Variants in NTM observed in about 807,000 individuals in gnomAD.
The protein encoded by NTM is neurotrimin, also known as IgLON family member 2.
Under a neutral mutation model 42.1 loss-of-function variants are expected in NTM, and 13 were observed. That is an observed-to-expected ratio of 0.31 (90% CI 0.20 to 0.49). The LOEUF is 0.49. NTM is among the 20% of genes least tolerant of loss of function. The pLI is 0.99. For synonymous variants in NTM, 187 were observed against 179.2 expected (o/e 1.04, Z -0.35); for missense variants, 373 against 452.8 (o/e 0.82, Z 1.60).
At chr11:131,737,737 CTT>C (rs556255526) in intron 1 of NTM, among the ~76,000 whole-genome samples, 42 of 152,200 alleles carry the variant, frequency 2.8e-4, no homozygotes, top group African/African-American at 1.0e-3. Flanking sequence ...GAATCCGACT[CTT>C]GATTTCTGCC....
intron 3 of NTM, among the ~76,000 whole-genome samples, chr11:132,200,480 G>A (rs776582478): frequency 1.2e-4 from 18 of 152,208 alleles, no homozygotes; most frequent in Non-Finnish European, 2.2e-4. Flanking sequence ...CTTTACTGCA[G>A]TCATGGGGTG....
intron 1 of NTM, among the ~76,000 whole-genome samples, chr11:131,815,112 G>C (rs1228281459): frequency 6.6e-6 from 1 of 152,074 alleles, no homozygotes; most frequent in Admixed American, 6.6e-5. Flanking sequence ...TCACCCTCAG[G>C]ATCAAGCTCG....
intron 1 of NTM, among the ~76,000 whole-genome samples, chr11:131,815,441 C>T (rs2092913560): frequency 6.6e-6 from 1 of 152,164 alleles, no homozygotes; most frequent in Admixed American, 6.5e-5. Context: ...AGGCACCATC[C>T]CTCCTCCCCA....
chr11:131,720,773 C>T (rs1304551151), intron 1 of NTM, among the ~76,000 whole-genome samples: 1 of 152,168 alleles, frequency 6.6e-6, no homozygotes, highest in Non-Finnish European at 1.5e-5. Context: ...CATAAGTTCT[C>T]ATTCCGTCTC....
intron 2 of NTM, among the ~76,000 whole-genome samples, chr11:132,084,926 G>C (rs545803814): frequency 6.6e-6 from 1 of 152,264 alleles, no homozygotes; most frequent in Non-Finnish European, 1.5e-5. Context: ...TAACCAGCTT[G>C]ACCATGAGCT....
chr11:131,811,107 G>A (rs921743531), intron 1 of NTM, among the ~76,000 whole-genome samples: 1 of 152,208 alleles, frequency 6.6e-6, no homozygotes, highest in Non-Finnish European at 1.5e-5. Flanking sequence ...GGAATGGGAT[G>A]TTGTTATGGC....
intron 2 of NTM, among the ~76,000 whole-genome samples, chr11:131,989,699 A>G (rs1373421313): frequency 1.4e-5 from 2 of 146,388 alleles, no homozygotes; most frequent in African/African-American, 5.1e-5. Flanking sequence ...TTATATACAC[A>G]TGCATATTTA....
chr11:131,410,845 C>T (rs907574439), intron 1 of NTM, among the ~76,000 whole-genome samples: 2 of 152,156 alleles, frequency 1.3e-5, no homozygotes, highest in African/African-American at 4.8e-5. Context: ...TGCTCGAGGG[C>T]ATCAGCAAGG....
At chr11:131,724,776 G>C (rs933958085) in intron 1 of NTM, among the ~76,000 whole-genome samples, 1 of 152,176 alleles carries the variant, frequency 6.6e-6, no homozygotes, top group Non-Finnish European at 1.5e-5. Flanking sequence ...GCTGGATCTC[G>C]GGTGAAGGAC....
chr11:132,188,080 T>C (rs1337805856), intron 3 of NTM, among the ~76,000 whole-genome samples: 1 of 152,082 alleles, frequency 6.6e-6, no homozygotes, highest in African/African-American at 2.4e-5. Context: ...GACATCCTAG[T>C]TTGTCACAAC....
intron 1 of NTM, among the ~76,000 whole-genome samples, chr11:131,372,352 T>C (rs1234703035): frequency 6.6e-6 from 1 of 152,138 alleles, no homozygotes; most frequent in East Asian, 1.9e-4. Flanking sequence ...TTCCCTGCTG[T>C]CCCCTAGGGG....
intron 1 of NTM, among the ~76,000 whole-genome samples, chr11:131,616,318 T>C (rs1345417075): frequency 6.6e-6 from 1 of 152,146 alleles, no homozygotes; most frequent in African/African-American, 2.4e-5. Flanking sequence ...GAAATGGGGC[T>C]TGGGAGTTGG....
intron 4 of NTM, among the ~76,000 whole-genome samples, chr11:132,266,265 C>T (rs889671918): frequency 1.3e-5 from 2 of 152,132 alleles, no homozygotes; most frequent in African/African-American, 4.8e-5. Context: ...CCAGCTGTGT[C>T]GCCCAGTCTC....
intron 3 of NTM, among the ~76,000 whole-genome samples, chr11:132,162,333 TTGTG>T (rs373177414): frequency 1.7e-4 from 25 of 149,914 alleles, no homozygotes; most frequent in African/African-American, 5.4e-4. Flanking sequence ...GTTGATGTGA[TTGTG>T]TGTGTGTTTG....
intron 1 of NTM, among the ~76,000 whole-genome samples, chr11:131,501,337 C>CT (rs2046804978): frequency 6.6e-6 from 1 of 152,086 alleles, no homozygotes; most frequent in Non-Finnish European, 1.5e-5. Context: ...ATGAAGGCCC[C>CT]TCTGAGGAGG....
intron 1 of NTM, among the ~76,000 whole-genome samples, chr11:131,828,860 T>C (rs1429318432): frequency 1.3e-5 from 2 of 152,166 alleles, no homozygotes; most frequent in Non-Finnish European, 2.9e-5. Flanking sequence ...TTCAGTGCAA[T>C]TGATCATAAG....
At chr11:131,692,024 C>T (rs1273171756) in intron 1 of NTM, among the ~76,000 whole-genome samples, 1 of 152,128 alleles carries the variant, frequency 6.6e-6, no homozygotes, top group Admixed American at 6.5e-5. Flanking sequence ...CCCACATGGC[C>T]CCTAGGTAAG....
At chr11:131,549,018 G>C (rs187960334) in intron 1 of NTM, among the ~76,000 whole-genome samples, 7 of 152,290 alleles carry the variant, frequency 4.6e-5, no homozygotes, top group Admixed American at 4.6e-4. Flanking sequence ...TATGCCATCA[G>C]TAAAAGTAGG....
intron 1 of NTM, among the ~76,000 whole-genome samples, chr11:131,633,389 A>T (rs1185317364): frequency 1.3e-5 from 2 of 152,212 alleles, no homozygotes; most frequent in African/African-American, 4.8e-5. Flanking sequence ...AAAATTAATT[A>T]TCATGGCTTG....
Sources: allele counts gnomAD v4.1 joint callset (sites outside exome capture counted in the v4.1 genomes callset), GRCh38; gene constraint gnomAD v4.1.1; transcripts MANE v1.5; gene names NCBI Gene and HGNC (gene_info 2026-07-23, HGNC 2026-07-21).